Variants in ZNF451 observed in about 807,000 individuals in gnomAD.
ZNF451 encodes the protein E3 SUMO-protein ligase ZNF451.
ZNF451 carries 80 observed loss-of-function variants against 107.1 expected under a neutral mutation model. That is an observed-to-expected ratio of 0.75 (90% CI 0.62 to 0.90). The LOEUF is 0.90. Among genes scored for constraint, ZNF451 ranks in the 40% least tolerant of loss-of-function variants. The pLI, the probability that ZNF451 is intolerant of heterozygous loss-of-function variation, is 0.00. For missense variants in ZNF451, 1,107 were observed against 1,236.2 expected (o/e 0.90, Z 1.57); for synonymous variants, 362 against 406.5 (o/e 0.89, Z 1.32).
At chr6:57,101,686 A>C in intron 3 of ZNF451, 1 of 1,550,684 alleles carries the variant, frequency 6.4e-7, no homozygotes, top group Non-Finnish European at 8.7e-7. Flanking sequence ...AAGATGCATA[A>C]TATCTGATGG....
chr6:57,120,028 A>G (rs1294100418), intron 3 of ZNF451, among the ~76,000 whole-genome samples: 1 of 152,114 alleles, frequency 6.6e-6, no homozygotes, highest in African/African-American at 2.4e-5. Context: ...TCATTGTAGT[A>G]TTACTGAAAA....
At chr6:57,101,830 GAGA>G in intron 3 of ZNF451, 1 of 1,550,570 alleles carries the variant, frequency 6.4e-7, no homozygotes, top group Non-Finnish European at 8.7e-7. Context: ...GAAAACCCAG[GAGA>G]AGATCTCCCA....
chr6:57,134,874 A>C lies in ZNF451; in HGVS notation c.702+4A>C. On this transcript the variant is annotated splice_donor_region_variant and intron_variant, in intron 7 of 14. Coordinates refer to ENST00000370706, the MANE Select transcript of ZNF451 (RefSeq NM_001031623.3). Reference sequence around the variant, plus strand: ...TAGAGATCACCTTTTTGATAAGGTAAGAGCATGTCCTAAATTAAAAGTATT... The same window carrying C: ...TAGAGATCACCTTTTTGATAAGGTACGAGCATGTCCTAAATTAAAAGTATT... 1 of 1,601,554 alleles carries C rather than the reference A, an allele frequency of 6.2e-7. No homozygotes were observed. Among genetic ancestry groups the C allele is most frequent in the Non-Finnish European group, 8.5e-7 (1 of 1,172,890 alleles).
chr6:57,095,878 C>T (rs1829278192), intron 2 of ZNF451, among the ~76,000 whole-genome samples: 1 of 151,822 alleles, frequency 6.6e-6, no homozygotes, highest in African/African-American at 2.4e-5. Flanking sequence ...GGCTGGAGTG[C>T]ACTGGCGTGA....
chr6:57,105,054 TA>T (rs1381578375), intron 3 of ZNF451: 2 of 985,206 alleles, frequency 2.0e-6, no homozygotes, highest in Non-Finnish European at 2.4e-6. Flanking sequence ...TTATAAAACT[TA>T]AAGTGAGGAT....
chr6:57,097,963 TTTATTA>T (rs545341343), intron 2 of ZNF451, among the ~76,000 whole-genome samples: 1 of 146,768 alleles, frequency 6.8e-6, no homozygotes, highest in African/African-American at 2.5e-5. Flanking sequence ...TATTTATATA[TTTATTA>T]TTATTATTAT....
In ZNF451 at chr6:57,141,357, T is replaced by C; in HGVS notation, c.758T>C (p.Phe253Ser). The change falls in exon 8 of 15, where the codon TTT becomes TCT. Residue 253 changes from phenylalanine to serine, a missense_variant. Transcript: ENST00000370706. The stretch of plus-strand genomic sequence containing the variant: ...CTTCTTCCTCAGATTATTCAGTGTT[T>C]TGCATGTCCAAATTGCTTCCTTCTT... ...NNLLPQIIQCFACPNCFLLFS... is the reference protein window; with the variant it reads ...NNLLPQIIQCSACPNCFLLFS... 1 of 1,613,328 alleles carries C rather than the reference T, an allele frequency of 6.2e-7. No homozygotes were observed. Among genetic ancestry groups the C allele is most frequent in the Non-Finnish European group, 8.5e-7 (1 of 1,179,604 alleles).
At chr6:57,129,777 G>A (rs1048203189) in intron 5 of ZNF451, among the ~76,000 whole-genome samples, 3 of 151,984 alleles carry the variant, frequency 2.0e-5, no homozygotes, top group African/African-American at 7.2e-5. Context: ...CCTGTGCCTC[G>A]CAAACTCCCC....
chr6:57,108,536 T>A, intron 3 of ZNF451: 1 of 985,396 alleles, frequency 1.0e-6, no homozygotes, highest in Non-Finnish European at 1.2e-6. Flanking sequence ...TTTACATATT[T>A]AATTTACATC....
intron 3 of ZNF451, among the ~76,000 whole-genome samples, chr6:57,113,834 G>C (rs1195217625): frequency 2.0e-5 from 3 of 152,034 alleles, no homozygotes; most frequent in Non-Finnish European, 4.4e-5. Flanking sequence ...TGTTAGCCAG[G>C]ATGCTCTCGA....
intron 3 of ZNF451, chr6:57,102,157 C>T: frequency 6.9e-7 from 1 of 1,447,030 alleles, no homozygotes; most frequent in Admixed American, 2.9e-5. Flanking sequence ...ACTTGTTCCT[C>T]CTTGTACAAA....
chr6:57,133,598 C>G, intron 6 of ZNF451, among the ~76,000 whole-genome samples: 1 of 152,254 alleles, frequency 6.6e-6, no homozygotes, highest in East Asian at 1.9e-4. Context: ...TAAAAGCAAA[C>G]TGATGTAAGC....
intron 3 of ZNF451, chr6:57,104,404 G>A: frequency 1.0e-6 from 1 of 985,350 alleles, no homozygotes; most frequent in Non-Finnish European, 1.2e-6. Flanking sequence ...GGCTACTTCA[G>A]ACTTTTCACT....
chr6:57,142,176 A>C (rs1831802544), intron 9 of ZNF451, 81 bp downstream of exon 9: 8 of 1,423,734 alleles, frequency 5.6e-6, no homozygotes, highest in Middle Eastern at 1.9e-4. Context: ...TTTTCTTTCC[A>C]TGTTTCTCTC....
At chr6:57,142,965 ATTTG>A (rs1240453127) in intron 9 of ZNF451, among the ~76,000 whole-genome samples, 1 of 151,998 alleles carries the variant, frequency 6.6e-6, no homozygotes, top group African/African-American at 2.4e-5. Context: ...TTTATGGGCT[ATTTG>A]TTTATCTTTG....
At chr6:57,168,105 T>A (rs1390717284) in intron 14 of ZNF451, among the ~76,000 whole-genome samples, 1 of 152,194 alleles carries the variant, frequency 6.6e-6, no homozygotes, top group Non-Finnish European at 1.5e-5. Context: ...AAATAAGTGA[T>A]ACAGATTTTT....
At chr6:57,119,059 TTA>T (rs1830507993) in intron 3 of ZNF451, among the ~76,000 whole-genome samples, 3 of 152,230 alleles carry the variant, frequency 2.0e-5, no homozygotes, top group Admixed American at 1.3e-4. Flanking sequence ...TTTGGCCTTT[TTA>T]TATATGCTTA....
chr6:57,151,349 G>A (rs925545758), intron 11 of ZNF451: 4 of 142,804 alleles, frequency 2.8e-5, no homozygotes, highest in African/African-American at 1.1e-4. Flanking sequence ...TCCAGCCTGG[G>A]CAACAGAGTG....
At chr6:57,161,275 C>T (rs1345783593) in intron 14 of ZNF451, 123 bp downstream of exon 14, 2 of 531,200 alleles carry the variant, frequency 3.8e-6, no homozygotes, top group East Asian at 6.3e-5. Context: ...AACATTTTCT[C>T]AGTTTGGATA....
Sources: allele counts gnomAD v4.1 joint callset (sites outside exome capture counted in the v4.1 genomes callset), GRCh38; gene constraint gnomAD v4.1.1; transcripts MANE v1.5; gene names NCBI Gene and HGNC (gene_info 2026-07-23, HGNC 2026-07-21).